The following DNAH3 variants were observed in gnomAD, a reference collection of about 807,000 sequenced individuals.
DNAH3 encodes the protein dynein axonemal heavy chain 3, also known as axonemal beta dynein heavy chain 3.
In DNAH3, 332 loss-of-function variants were observed where a neutral mutation model predicts 432.5. The observed-to-expected ratio is 0.77, with a 90% confidence interval of 0.70 to 0.84. The LOEUF (loss-of-function observed/expected upper bound fraction) is 0.84, where lower values mean the gene tolerates loss of function less well. DNAH3 is among the 40% of genes least tolerant of loss of function. The pLI is 0.00. For synonymous variants in DNAH3, 1,956 were observed against 1,900.2 expected (o/e 1.03, Z -0.76); for missense variants, 4,861 against 5,114.0 (o/e 0.95, Z 1.51).
At chr16:21,024,857 G>A (rs2088459390) in intron 38 of DNAH3, among the ~76,000 whole-genome samples, 156 bp from the exon 39 acceptor site, 1 of 152,134 alleles carries the variant, frequency 6.6e-6, no homozygotes, top group Non-Finnish European at 1.5e-5. Context: ...GTTGAATCTT[G>A]TGTTCATCTG....
At chr16:20,942,006 A>C (rs1203424288) in intron 58 of DNAH3, among the ~76,000 whole-genome samples, 1 of 151,734 alleles carries the variant, frequency 6.6e-6, no homozygotes, top group Non-Finnish European at 1.5e-5. Context: ...CGGATGTTGC[A>C]GTGAGCTGAG....
chr16:21,118,643 T>A (rs1487312328), intron 11 of DNAH3, among the ~76,000 whole-genome samples: 2 of 152,182 alleles, frequency 1.3e-5, no homozygotes, highest in African/African-American at 4.8e-5. Flanking sequence ...GCTCTCTCTA[T>A]GTTGCCCAGG....
At chr16:21,106,894 C>CAA (rs2152801062) in intron 14 of DNAH3, among the ~76,000 whole-genome samples, 1 of 152,038 alleles carries the variant, frequency 6.6e-6, no homozygotes, top group South Asian at 2.1e-4. Context: ...GATAATAATA[C>CAA]CTGTTATGTA....
intron 20 of DNAH3, among the ~76,000 whole-genome samples, chr16:21,076,689 AT>A (rs1179832231): frequency 6.6e-6 from 1 of 152,200 alleles, no homozygotes; most frequent in Admixed American, 6.5e-5. Flanking sequence ...TCATAAAAAA[AT>A]AACCTGACAT....
intron 59 of DNAH3, among the ~76,000 whole-genome samples, chr16:20,937,672 G>A (rs572414716): frequency 1.3e-5 from 2 of 151,352 alleles, no homozygotes; most frequent in Non-Finnish European, 2.9e-5. Flanking sequence ...GGGACTACAG[G>A]CACATGCCAC....
intron 1 of DNAH3, 93 bp from the exon 2 acceptor site, chr16:21,150,627 G>GA: frequency 5.3e-6 from 1 of 188,028 alleles, no homozygotes; most frequent in Non-Finnish European, 1.1e-5. Context: ...TCCCCCAGCG[G>GA]TGGCCACGCT....
chr16:21,117,481 C>T (rs1361146557), intron 11 of DNAH3, 142 bp from the exon 12 acceptor site: 1 of 652,430 alleles, frequency 1.5e-6, no homozygotes, highest in Non-Finnish European at 2.7e-6. Context: ...GTGCTGGAAT[C>T]ACCCTGCTGT....
At chr16:20,962,264 T>C (rs1226590625) in intron 53 of DNAH3, among the ~76,000 whole-genome samples, 3 of 152,176 alleles carry the variant, frequency 2.0e-5, no homozygotes, top group Non-Finnish European at 4.4e-5. Flanking sequence ...CCACTAAAAC[T>C]ATTAAAGTCA....
In DNAH3 at chr16:20,935,411, G is replaced by T. The variant is rs780338990; in HGVS notation, c.11934C>A (p.Gly3978=). 8 of 1,612,534 alleles carry T rather than the reference G, an allele frequency of 5.0e-6. No individual in the cohort carries two copies. The Admixed American group carries it at 8.4e-5, about 17-fold the overall frequency. Residue 3978 remains glycine (G), a synonymous_variant, in exon 61 of 62, where the codon GGC becomes GGA. Transcript: ENST00000261383. ...ATTTCCGGGCATAATTTTGAGAGACGCCAGTCAAAAAAGACTGTGTGAAGT... is the reference window on the plus strand; with the variant it reads ...ATTTCCGGGCATAATTTTGAGAGACTCCAGTCAAAAAAGACTGTGTGAAGT...
intron 1 of DNAH3, among the ~76,000 whole-genome samples, chr16:21,155,913 C>A (rs1354135841): frequency 6.6e-6 from 1 of 152,066 alleles, no homozygotes; most frequent in Non-Finnish European, 1.5e-5. Context: ...ATTCCTGAGG[C>A]CTAAAATAGT....
At chr16:21,011,205 C>T (rs2087586189) in intron 41 of DNAH3, among the ~76,000 whole-genome samples, 1 of 152,122 alleles carries the variant, frequency 6.6e-6, no homozygotes, top group Non-Finnish European at 1.5e-5. Context: ...AATTCATGTA[C>T]CATCTCTGCA....
rs767269099 is a variant in DNAH3, at chr16:20,965,060, C to T, written c.8824G>A (p.Asp2942Asn). 9.3e-6 allele frequency: 15 copies of T among 1,613,954 alleles called. No individual in the cohort carries two copies. The East Asian group carries it at 1.1e-4, about 12-fold the overall frequency. ...TTCTTGGTGTTCATCTCTTCAAAGT[C>T]GTCATTCAGGGCCTGGAGCCGATCT... The change falls in exon 53 of 62, where the codon GAC becomes AAC. Residue 2942 changes from aspartate (D) to asparagine (N), a missense_variant. Coordinates refer to ENST00000261383, the Ensembl canonical transcript of DNAH3.
At chr16:21,074,153 C>A (rs2090894077) in intron 21 of DNAH3, among the ~76,000 whole-genome samples, 1 of 152,134 alleles carries the variant, frequency 6.6e-6, no homozygotes, top group Non-Finnish European at 1.5e-5. Flanking sequence ...ACCCCTACAG[C>A]TCTTCCTTGA....
At chr16:20,999,727 C>T (rs2086925636) in intron 43 of DNAH3, among the ~76,000 whole-genome samples, 1 of 152,012 alleles carries the variant, frequency 6.6e-6, no homozygotes, top group Non-Finnish European at 1.5e-5. Context: ...CTCAAGTGAC[C>T]GAAGTGAGGA....
intron 24 of DNAH3, 200 bp from the exon 25 acceptor site, chr16:21,062,883 T>C: frequency 1.8e-6 from 1 of 570,752 alleles, no homozygotes; most frequent in Non-Finnish European, 3.1e-6. Context: ...AGATGAGGTC[T>C]TGCCATATTG....
chr16:21,119,269 T>C (rs2092280630), intron 11 of DNAH3, among the ~76,000 whole-genome samples: 2 of 152,148 alleles, frequency 1.3e-5, no homozygotes, highest in Non-Finnish European at 2.9e-5. Context: ...ATGAAATACC[T>C]CTTGCTGCTC....
chr16:20,963,849 G>A (rs1032346796), exon 53 of DNAH3: 26 of 1,614,106 alleles, frequency 1.6e-5, no homozygotes, highest in Non-Finnish European at 2.2e-5. Context: ...TGTACTTGAT[G>A]CGCAGATTCA....
chr16:20,954,724 G>A, intron 55 of DNAH3, 89 bp downstream of exon 55: 2 of 1,467,982 alleles, frequency 1.4e-6, no homozygotes, highest in Non-Finnish European at 1.8e-6. Context: ...CCCTATCTGA[G>A]CGCAAGCTTA....
intron 55 of DNAH3, among the ~76,000 whole-genome samples, chr16:20,952,767 T>C (rs2084373716): frequency 6.6e-6 from 1 of 152,210 alleles, no homozygotes; most frequent in Non-Finnish European, 1.5e-5. Flanking sequence ...TTTCCTTATA[T>C]ACCTCCCCAT....
Sources: allele counts gnomAD v4.1 joint callset (sites outside exome capture counted in the v4.1 genomes callset), GRCh38; gene constraint gnomAD v4.1.1; transcripts MANE v1.5; gene names NCBI Gene and HGNC (gene_info 2026-07-23, HGNC 2026-07-21).